CCDC9B: variants seen among roughly 807,000 people sequenced by gnomAD.
The protein encoded by CCDC9B is coiled-coil domain-containing protein 9B.
In CCDC9B, 40 loss-of-function variants were observed where a neutral mutation model predicts 47.2. The ratio of observed to expected loss-of-function variants is 0.85; its 90% CI spans 0.66 to 1.10. The LOEUF is 1.10. Ranked by LOEUF, CCDC9B falls within the 50% of genes least tolerant of loss-of-function variation. The pLI is 0.00. For synonymous variants in CCDC9B, 238 were observed against 250.7 expected, an observed-to-expected ratio of 0.95 and a Z score of 0.48; for missense variants, 662 against 651.0, an observed-to-expected ratio of 1.02 and a Z score of -0.18.
chr15:40,340,062 C>T, intron 1 of CCDC9B, 47 bp from the exon 2 acceptor site: 1 of 1,184,658 alleles, frequency 8.4e-7, no homozygotes, highest in Non-Finnish European at 1.2e-6. Flanking sequence ...GTCCCCCTCT[C>T]ACCAGTCCCC....
chr15:40,339,200 T>C lies in CCDC9B; in HGVS notation c.232-297A>G, dbSNP rs919367649. 27 of 587,292 alleles carry C rather than the reference T, an allele frequency of 4.6e-5. No individual in the cohort carries two copies. The East Asian group carries it at 7.5e-4, about 16-fold the overall frequency. The allele number at this position is 587,292 out of a possible 1,614,324, so 36.4% of individuals were successfully genotyped here. ...CTGCTCCTGGCATTCAGCCCCAACT[T>C]CTCTGTCCCCCACTTCCTGCAGGGT... On this transcript the variant is annotated intron_variant, in intron 3 of 10. Transcript: ENST00000397536.
rs1402381082 is a variant in CCDC9B, at chr15:40,338,794, A to T, written c.341T>A (p.Leu114Ter). 3 of 1,613,804 alleles carry T rather than the reference A, an allele frequency of 1.9e-6. No individual in the cohort carries two copies. The highest frequency in any genetic ancestry group is 2.5e-6 in the Non-Finnish European group (3 of 1,179,876). The change falls in exon 4 of 11, where the codon TTA (leucine) becomes TAA (stop). Residue 114 changes from leucine (L) to a stop codon, truncating the protein, a stop_gained. Transcript: ENST00000397536. LOFTEE classifies it high-confidence loss of function. The stretch of plus-strand genomic sequence containing the variant: ...CACAGCCAGCTCCACCAGCTCCCCT[A>T]AGCAGAAAGTACCCCCGTGGTCCTC... ...DAEDHGGTFC[L>*]GELVELAVTM... is the part of the protein sequence containing the mutation.
Position 40,335,273 on chromosome 15 carries a change from GC to G in CCDC9B, c.1357del (p.Ala453ProfsTer25). 1 of 1,608,158 alleles carries G rather than the reference GC, an allele frequency of 6.2e-7. No individual in the cohort carries two copies. On this transcript the variant is annotated frameshift_variant, in exon 11 of 11. Transcript: ENST00000397536. LOFTEE classifies it high-confidence loss of function. ...PGEDRSGKSG[A>X]QQGLAPRSRP... ...GCTTCTCGGGGCCAGGCCCTGCTGGGCCCCAGACTTGCCAGACCTGTCTTCT... is the reference window on the plus strand; with the variant it reads ...GCTTCTCGGGGCCAGGCCCTGCTGGGCCCAGACTTGCCAGACCTGTCTTCT...
chr15:40,340,169 A>G, intron 1 of CCDC9B, 154 bp from the exon 2 acceptor site: 1 of 608,762 alleles, frequency 1.6e-6, no homozygotes, highest in Non-Finnish European at 2.9e-6. Flanking sequence ...GGCCCAAATA[A>G]GGCCCCAAGC....
chr15:40,338,880 G>A lies in CCDC9B; in HGVS notation c.255C>T (p.Asn85=), dbSNP rs377419989. 2.4e-5 allele frequency: 39 copies of A among 1,613,986 alleles called. No individual in the cohort carries two copies. Among genetic ancestry groups the A allele is most frequent in the Non-Finnish European group, 1.3e-5 (15 of 1,180,026 alleles). The change falls in exon 4 of 11, where the codon AAC becomes AAT. Residue 85 remains asparagine (N), a synonymous_variant. Coordinates refer to ENST00000397536, the MANE Select transcript of CCDC9B (RefSeq NM_207380.3). ...TGGGTCCACAGGTACCCCTTGCCCAGTTCCTGCTAACCACCCGCTTTTCCT... is the reference window on the plus strand; with the variant it reads ...TGGGTCCACAGGTACCCCTTGCCCAATTCCTGCTAACCACCCGCTTTTCCT... ...VPGEKRVVSR[N]WARGTCGPRV...
At chr15:40,340,727 G>T in intron 1 of CCDC9B, 81 bp downstream of exon 1, 2 of 1,365,736 alleles carry the variant, frequency 1.5e-6, no homozygotes, top group Non-Finnish European at 2.0e-6. Flanking sequence ...GTCCCCAGCT[G>T]CCCCCAGAGG....
In CCDC9B at chr15:40,335,383, G is replaced by A. The variant is rs1888934105; in HGVS notation, c.1248C>T (p.Pro416=). Residue 416 remains proline (P), a synonymous_variant, in exon 11 of 11, where the codon CCC becomes CCT. Transcript: ENST00000397536. The part of the protein sequence containing the change: ...VSWPEGSKQQ[P]LGWSNHQAEL... ...CAGCCTGGTGATTGCTCCACCCCAG[G>A]GGCTGCTGCTTAGAGCCCTCTGGCC... 1 of 1,613,214 alleles carries A rather than the reference G, an allele frequency of 6.2e-7. No individual in the cohort carries two copies.
rs970144226 is a variant in CCDC9B, at chr15:40,331,612, C to T, written c.*3546G>A. ...ACCAGGCCTGACCCTGCTTAGCTTA[C>T]GAGATTAGGCACGTTCAGGGTGGTA... On this transcript the variant is annotated 3_prime_UTR_variant, in exon 11 of 11. Coordinates refer to ENST00000397536, the MANE Select transcript of CCDC9B (RefSeq NM_207380.3). 2.0e-5 allele frequency: 3 copies of T among 152,408 alleles called. No homozygotes were observed. The highest frequency in any genetic ancestry group is 3.9e-4 in the East Asian group (2 of 5,188). 9.4% of individuals were successfully genotyped at this position (152,408 alleles called of 1,614,324 possible).
Position 40,338,539 on chromosome 15 carries a change from C to A in CCDC9B, c.509G>T (p.Arg170Leu), listed in dbSNP as rs202012770. The A allele has an allele frequency of 1.7e-5, 28 of 1,613,762 alleles. No homozygotes were observed. Among genetic ancestry groups the A allele is most frequent in the Non-Finnish European group, 2.4e-5 (28 of 1,179,814 alleles). Residue 170 changes from arginine to leucine, a missense_variant, in exon 5 of 11, where the codon CGG (arginine) becomes CTG (leucine). Arg to Leu is a moderately radical substitution (Grantham distance 102, BLOSUM62 -2). Coordinates refer to ENST00000397536, the MANE Select transcript of CCDC9B (RefSeq NM_207380.3). ...TQVAISSDSA[R>L]KGSWEPWSRP... is the part of the protein sequence containing the mutation. ...CATCCCCTCTTGAAGACACACCTTCCGTGCAGAATCTGAGCTGATGGCCAC... is the reference window on the plus strand; with the variant it reads ...CATCCCCTCTTGAAGACACACCTTCAGTGCAGAATCTGAGCTGATGGCCAC...
Position 40,335,189 on chromosome 15 carries a change from G to A in CCDC9B, c.1442C>T (p.Thr481Ile). 6.5e-7 allele frequency: 1 copy of A among 1,541,100 alleles called. No homozygotes were observed. The highest frequency in any genetic ancestry group is 8.8e-7 in the Non-Finnish European group (1 of 1,142,666). ...SRGTAGVRRR[T>I]GRPGPAGRC ...TCTTCCTGCCGGGCCAGGGCGCCCTGTCCTGCGCCTCACACCTGCTGTGCC... is the reference window on the plus strand; with the variant it reads ...TCTTCCTGCCGGGCCAGGGCGCCCTATCCTGCGCCTCACACCTGCTGTGCC... Residue 481 changes from threonine to isoleucine, a missense_variant, in exon 11 of 11, where the codon ACA becomes ATA. Physicochemically the swap from Thr to Ile is moderately conservative, Grantham distance 89. Transcript: ENST00000397536.
rs778025961 is a variant in CCDC9B, at chr15:40,340,811, C to G, written c.9G>C (p.Ser3=). The change falls in exon 1 of 11, where the codon TCG becomes TCC. Residue 3 remains serine, a synonymous_variant. Coordinates refer to ENST00000397536, the MANE Select transcript of CCDC9B (RefSeq NM_207380.3). The part of the protein sequence containing the change: MH[S]AGTPRAESPM... Reference sequence around the variant, plus strand: ...CCAAAGGCAGACTGCCACTCACAGCCGAGTGCATGGCAACGGCGGGCACCG... The same window carrying G: ...CCAAAGGCAGACTGCCACTCACAGCGGAGTGCATGGCAACGGCGGGCACCG... The G allele has an allele frequency of 6.2e-7, 1 of 1,609,594 alleles. No homozygotes were observed. Among genetic ancestry groups the G allele is most frequent in the Non-Finnish European group, 8.5e-7 (1 of 1,178,572 alleles).
At position 40,339,499 on chromosome 15, in the gene CCDC9B, G is replaced by A. The variant is rs1889040325; in HGVS notation, c.231+13C>T. ...TCCTTGCTACGAGCCCTGTCTCCCA[G>A]GGTGAGGCTTACACCGGGAACCTGG... On this transcript the variant is annotated intron_variant, in intron 3 of 10. Coordinates refer to ENST00000397536, the MANE Select transcript of CCDC9B (RefSeq NM_207380.3). 3 of 1,613,260 alleles carry A rather than the reference G, an allele frequency of 1.9e-6. No individual in the cohort carries two copies. The African/African-American group carries it at 4.0e-5, about 22-fold the overall frequency.
intron 3 of CCDC9B, 130 bp from the exon 4 acceptor site, chr15:40,339,033 TC>T: frequency 9.8e-7 from 1 of 1,023,534 alleles, no homozygotes; most frequent in Non-Finnish European, 1.5e-6. Flanking sequence ...AAGAGCTGAC[TC>T]CCACAGGGTG....
At chr15:40,337,679 G>T (rs200655000) in intron 6 of CCDC9B, 45 bp downstream of exon 6, 3 of 1,547,884 alleles carry the variant, frequency 1.9e-6, no homozygotes, top group Admixed American at 1.9e-5. Flanking sequence ...CCCGAAGCCA[G>T]CTCCATCCCG....
chr15:40,337,351 G>A lies in CCDC9B; in HGVS notation c.742+37C>T, dbSNP rs755262895. The A allele has an allele frequency of 2.5e-6, 4 of 1,594,862 alleles. No homozygotes were observed. In the East Asian group the frequency reaches 8.9e-5, roughly 36 times the overall value. On this transcript the variant is annotated intron_variant, in intron 7 of 10. Transcript: ENST00000397536. ...GACAAGGGGGTGAAAGATGAACAAAGCCAAGGAGGGGAGGGATGAGGTAGG... is the reference window on the plus strand; with the variant it reads ...GACAAGGGGGTGAAAGATGAACAAAACCAAGGAGGGGAGGGATGAGGTAGG...
In CCDC9B at chr15:40,339,695, CAG is replaced by C. The variant is rs1889046842; in HGVS notation, c.124-78_124-77del. ...AGACATAGATGCTGATAGGCCTACA[CAG>C]AGAGACACCAGTGGGACACCAGGGG... On this transcript the variant is annotated intron_variant, in intron 2 of 10. Coordinates refer to ENST00000397536, the MANE Select transcript of CCDC9B (RefSeq NM_207380.3). 1.8e-5 allele frequency: 28 copies of C among 1,590,164 alleles called. No individual in the cohort carries two copies. The East Asian group carries it at 6.3e-4, about 36-fold the overall frequency.
chr15:40,339,341 C>A, intron 3 of CCDC9B, 171 bp downstream of exon 3: 1 of 653,046 alleles, frequency 1.5e-6, no homozygotes, highest in East Asian at 2.7e-5. Context: ...GGGCTTTCAG[C>A]TGTGGCTCTT....
Position 40,338,660 on chromosome 15 carries a change from C to T in CCDC9B, c.388G>A (p.Gly130Ser), listed in dbSNP as rs767188259. ...GGCTTTTCACTTACAATCCGTTTGCCCTGGGGAGGATGAAGATGGGCAGTG... is the reference window on the plus strand; with the variant it reads ...GGCTTTTCACTTACAATCCGTTTGCTCTGGGGAGGATGAAGATGGGCAGTG... ...LAVTMENKAE[G>S]KRIVSEKPTR... The change falls in exon 5 of 11, where the codon GGC becomes AGC. Residue 130 changes from glycine (G) to serine (S), a missense_variant and splice_region_variant. By Grantham distance (56) the Gly-to-Ser change is moderately conservative. Coordinates refer to ENST00000397536, the MANE Select transcript of CCDC9B (RefSeq NM_207380.3). 1 of 1,613,994 alleles carries T rather than the reference C, an allele frequency of 6.2e-7. No individual in the cohort carries two copies. The highest frequency in any genetic ancestry group is 8.5e-7 in the Non-Finnish European group (1 of 1,179,968).
At chr15:40,339,732 C>T (rs1889047937) in intron 2 of CCDC9B, 113 bp from the exon 3 acceptor site, 1 of 1,517,020 alleles carries the variant, frequency 6.6e-7, no homozygotes, top group Non-Finnish European at 8.9e-7. Flanking sequence ...GGCAGAGGCG[C>T]CACATCACAC....
Sources: gnomAD v4.1 joint callset for allele counts on GRCh38, gnomAD v4.1.1 for gene constraint, MANE v1.5 for transcripts, NCBI Gene and HGNC (gene_info 2026-07-23, HGNC 2026-07-21) for gene names.